The following ROBO2 variants were observed in gnomAD, a reference collection of about 807,000 sequenced individuals.
ROBO2 encodes the protein roundabout guidance receptor 2, also known as roundabout homolog 2.
ROBO2 carries 53 observed loss-of-function variants against 160.8 expected under a neutral mutation model. The observed-to-expected ratio is 0.33, with a 90% CI of 0.26 to 0.41. The LOEUF (loss-of-function observed/expected upper bound fraction) is 0.41. Ranked by LOEUF, ROBO2 falls within the 10% of genes least tolerant of loss-of-function variation. The pLI, the probability that ROBO2 is intolerant of heterozygous loss-of-function variation, is 1.00. For synonymous variants in ROBO2, 664 were observed against 611.7 expected, an observed-to-expected ratio of 1.09 and a Z score of -1.26; for missense variants, 1,577 against 1,722.4, an observed-to-expected ratio of 0.92 and a Z score of 1.49.
At chr3:77,622,123 G>A in intron 22 of ROBO2, 104 bp from the exon 24 acceptor site, 1 of 1,005,366 alleles carries the variant, frequency 9.9e-7, no homozygotes, top group South Asian at 1.5e-5. Context: ...TAATGGAAAG[G>A]AAGAAGACAG....
At chr3:76,351,321 G>A (rs924971548) in intron 2 of ROBO2, among the ~76,000 whole-genome samples, 1 of 151,894 alleles carries the variant, frequency 6.6e-6, no homozygotes, top group African/African-American at 2.4e-5. Flanking sequence ...TATGGTGCTG[G>A]TAAATAATAA....
chr3:76,858,183 TAAGTTGC>T (rs1392469212), intron 2 of ROBO2, among the ~76,000 whole-genome samples: 1 of 152,164 alleles, frequency 6.6e-6, no homozygotes, highest in Non-Finnish European at 1.5e-5. Flanking sequence ...TGCCTCCCAG[TAAGTTGC>T]AAGATCCTCA....
intron 2 of ROBO2, among the ~76,000 whole-genome samples, chr3:76,979,622 A>T (rs1390042565): frequency 1.3e-5 from 2 of 148,634 alleles, no homozygotes; most frequent in Non-Finnish European, 3.0e-5. Context: ...GTGCGCAGGT[A>T]TATGTTTGAT....
Position 76,568,124 on chromosome 3 carries a change from G to A in ROBO2, c.110-529890G>A, listed in dbSNP as rs372216220. On this transcript the variant is annotated intron_variant, in intron 2 of 26. Transcript: ENST00000487694. ...GCCACTGCACCCTGCTTACATAAAT[G>A]TAAAAACATTTGAACAATAGGGGTG... is the stretch of plus-strand genomic sequence containing the variant. Among the ~76,000 whole-genome samples, 44 of 151,602 alleles carry A rather than the reference G, an allele frequency of 2.9e-4. 2 individuals are homozygous for A. The highest frequency in any genetic ancestry group is 2.7e-3 in the South Asian group (13 of 4,792).
At chr3:76,787,587 A>G (rs2108682255) in intron 2 of ROBO2, among the ~76,000 whole-genome samples, 1 of 151,564 alleles carries the variant, frequency 6.6e-6, no homozygotes, top group South Asian at 2.1e-4. Context: ...ATCTTTTGTT[A>G]TCTATAAGTT....
At chr3:77,281,309 T>G (rs2060221356) in intron 2 of ROBO2, among the ~76,000 whole-genome samples, 1 of 150,200 alleles carries the variant, frequency 6.7e-6, no homozygotes, top group South Asian at 2.1e-4. Flanking sequence ...TTTTCAATCC[T>G]TCTTTCGTTA....
At chr3:76,986,792 T>C (rs1358447118) in intron 2 of ROBO2, among the ~76,000 whole-genome samples, 1 of 152,146 alleles carries the variant, frequency 6.6e-6, no homozygotes, top group African/African-American at 2.4e-5. Flanking sequence ...ATTAGCAAAT[T>C]TTATATTACA....
intron 2 of ROBO2, among the ~76,000 whole-genome samples, chr3:76,795,186 G>A (rs1314654131): frequency 6.6e-6 from 1 of 152,040 alleles, no homozygotes; most frequent in Non-Finnish European, 1.5e-5. Context: ...ACTGGTTGAA[G>A]GTCTTTCCTT....
At chr3:77,529,986 A>G (rs903945246) in intron 6 of ROBO2, among the ~76,000 whole-genome samples, 5 of 151,996 alleles carry the variant, frequency 3.3e-5, no homozygotes, top group African/African-American at 9.7e-5. Flanking sequence ...ATATCTGAAC[A>G]TTTATTGTAT....
intron 2 of ROBO2, among the ~76,000 whole-genome samples, chr3:76,142,059 G>A (rs2071690288): frequency 6.6e-6 from 1 of 151,918 alleles, no homozygotes; most frequent in African/African-American, 2.4e-5. Context: ...AGACACAAAT[G>A]CAATAACAAA....
intron 2 of ROBO2, among the ~76,000 whole-genome samples, chr3:76,114,981 A>C (rs1447772409): frequency 6.6e-6 from 1 of 152,108 alleles, no homozygotes; most frequent in Non-Finnish European, 1.5e-5. Flanking sequence ...ACTCTCTGTT[A>C]AGTGAGGTTA....
chr3:77,549,851 C>T (rs1223522378), intron 7 of ROBO2, among the ~76,000 whole-genome samples: 1 of 151,902 alleles, frequency 6.6e-6, no homozygotes, highest in Non-Finnish European at 1.5e-5. Context: ...AATTACAAAC[C>T]TGGAAAATTA....
At chr3:76,431,938 A>G (rs896508400) in intron 2 of ROBO2, among the ~76,000 whole-genome samples, 1 of 152,252 alleles carries the variant, frequency 6.6e-6, no homozygotes, top group Admixed American at 6.5e-5. Flanking sequence ...AGATACATTG[A>G]TCTGTATAAG....
chr3:75,965,257 A>G (rs1949062168), intron 2 of ROBO2, among the ~76,000 whole-genome samples: 1 of 151,764 alleles, frequency 6.6e-6, no homozygotes, highest in Admixed American at 6.6e-5. Context: ...TTTAAACCCA[A>G]ACATTTCTAA....
At chr3:76,756,762 T>C (rs2108311551) in intron 2 of ROBO2, among the ~76,000 whole-genome samples, 1 of 151,996 alleles carries the variant, frequency 6.6e-6, no homozygotes, top group Middle Eastern at 3.4e-3. Context: ...TCAAACCGGT[T>C]TTGATTACGA....
At chr3:76,258,171 A>T (rs1035576722) in intron 2 of ROBO2, among the ~76,000 whole-genome samples, 3 of 151,896 alleles carry the variant, frequency 2.0e-5, no homozygotes, top group East Asian at 1.9e-4. Flanking sequence ...TTTCCAACAT[A>T]AAAGTTTCTC....
intron 2 of ROBO2, among the ~76,000 whole-genome samples, chr3:77,212,201 C>T (rs938881387): frequency 1.3e-5 from 2 of 152,250 alleles, no homozygotes; most frequent in East Asian, 3.9e-4. Flanking sequence ...TTCTTCCTAC[C>T]CATGAGCATG....
At chr3:77,303,767 A>G (rs923954938) in intron 2 of ROBO2, among the ~76,000 whole-genome samples, 4 of 152,064 alleles carry the variant, frequency 2.6e-5, no homozygotes, top group Admixed American at 6.6e-5. Flanking sequence ...AATATATTCA[A>G]TCTTTATTTG....
At chr3:76,618,273 C>T (rs2088759757) in intron 2 of ROBO2, among the ~76,000 whole-genome samples, 1 of 151,476 alleles carries the variant, frequency 6.6e-6, no homozygotes, top group African/African-American at 2.4e-5. Context: ...TGTAAATGCC[C>T]ATTACATAGA....
Sources: gnomAD v4.1 joint callset for allele counts (sites outside exome capture counted in the v4.1 genomes callset) on GRCh38, gnomAD v4.1.1 for gene constraint, MANE v1.5 for transcripts, NCBI Gene and HGNC (gene_info 2026-07-23, HGNC 2026-07-21) for gene names.